Variants in ST6GAL1 observed in about 807,000 individuals in gnomAD.
ST6GAL1 encodes beta-galactoside alpha-2,6-sialyltransferase 1.
In ST6GAL1, 20 loss-of-function variants were observed where a neutral mutation model predicts 38.0. That is an observed-to-expected ratio of 0.53 (90% CI 0.37 to 0.77). ST6GAL1 has a LOEUF of 0.77. Ranked by LOEUF, ST6GAL1 falls within the 30% of genes least tolerant of loss-of-function variation. ST6GAL1 has a pLI of 0.00. For synonymous variants in ST6GAL1, 196 were observed against 188.2 expected (o/e 1.04, Z -0.34); for missense variants, 432 against 496.4 (o/e 0.87, Z 1.23).
chr3:187,053,652 G>A lies in ST6GAL1; in HGVS notation c.705+2306G>A, dbSNP rs943427503. On this transcript the variant is annotated intron_variant, in intron 5 of 7. Transcript: ENST00000169298. ...CTGAGGCCTCTGTTCTGTTCTATTC[G>A]TCTATATATCTGTTTTGGTACCAGT... 5.3e-5 allele frequency among the ~76,000 whole-genome samples: 8 copies of A among 152,188 alleles called. No individual in the cohort carries two copies. In the South Asian group the frequency reaches 1.0e-3, roughly 20 times the overall value.
intron 4 of ST6GAL1, among the ~76,000 whole-genome samples, chr3:187,050,286 C>T (rs1275638370): frequency 1.4e-5 from 2 of 138,972 alleles, no homozygotes; most frequent in Non-Finnish European, 3.2e-5. Flanking sequence ...CCCAAACTTG[C>T]TTGACCGAGT....
At chr3:187,030,112 A>G (rs1458648637) in intron 2 of ST6GAL1, among the ~76,000 whole-genome samples, 1 of 152,244 alleles carries the variant, frequency 6.6e-6, no homozygotes, top group Non-Finnish European at 1.5e-5. Context: ...ATATCCTAAA[A>G]GTGGATATTA....
Position 186,963,839 on chromosome 3 carries a change from G to A in ST6GAL1, c.-270G>A, listed in dbSNP as rs1330946206. 6.6e-6 allele frequency: 1 copy of A among 152,320 alleles called. No individual in the cohort carries two copies. The highest frequency in any genetic ancestry group is 2.4e-5 in the African/African-American group (1 of 41,450). The allele number at this position is 152,320 out of a possible 1,614,324, so 9.4% of individuals were successfully genotyped here. On this transcript the variant is annotated 5_prime_UTR_variant, in exon 2 of 8. Transcript: ENST00000169298. ...TGCAACCAGCAGTCCAGGGAGAAGT[G>A]GTGAATGTCATGGAGCCCAGCTGAA...
In ST6GAL1 at chr3:186,969,823, T is replaced by A. The variant is rs536360612; in HGVS notation, c.-183+5897T>A. Among the ~76,000 whole-genome samples the A allele has an allele frequency of 3.3e-5, 5 of 152,236 alleles. No homozygotes were observed. The East Asian group carries it at 9.7e-4, about 29-fold the overall frequency. The stretch of plus-strand genomic sequence containing the variant: ...GAGGGAAGGGTAGCCTCAGTAGAAG[T>A]TCGTATGTGCCAAGGCATGGAAACA... On this transcript the variant is annotated intron_variant, in intron 2 of 7. Coordinates refer to ENST00000169298, the MANE Select transcript of ST6GAL1 (RefSeq NM_173216.2).
intron 2 of ST6GAL1, among the ~76,000 whole-genome samples, chr3:187,023,198 T>G (rs1478959447): frequency 6.6e-6 from 1 of 152,224 alleles, no homozygotes; most frequent in African/African-American, 2.4e-5. Context: ...TGCTCAAATG[T>G]CTTCTTCTCA....
chr3:186,993,564 ATTTATTT>A (rs1716255128), intron 2 of ST6GAL1, among the ~76,000 whole-genome samples: 1 of 18,740 alleles, frequency 5.3e-5, no homozygotes, highest in Non-Finnish European at 1.1e-4. Flanking sequence ...AGTTTTATTT[ATTTATTT>A]ATTTATTTAT....
rs1340018318 is a variant in ST6GAL1 at position 186,946,328 on chromosome 3, T to A, written c.-325+15494T>A. Among the ~76,000 whole-genome samples, 25 of 152,180 alleles carry A rather than the reference T, an allele frequency of 1.6e-4. No homozygotes were observed. The East Asian group carries it at 4.6e-3, about 28-fold the overall frequency. On this transcript the variant is annotated intron_variant, in intron 1 of 7. Transcript: ENST00000169298. ...ATTTCAAAAAAAAAAAGTGTTCCTT[T>A]TCCTTATAAAATAAAATAATAAAAT...
intron 2 of ST6GAL1, among the ~76,000 whole-genome samples, chr3:187,019,257 T>C (rs963034713): frequency 6.6e-6 from 1 of 152,176 alleles, no homozygotes; most frequent in Non-Finnish European, 1.5e-5. Flanking sequence ...GATTGTGAAA[T>C]GTTGGGATGA....
chr3:187,032,466 G>A (rs539053399), intron 2 of ST6GAL1, among the ~76,000 whole-genome samples: 18 of 152,220 alleles, frequency 1.2e-4, no homozygotes, highest in African/African-American at 3.9e-4. Flanking sequence ...CTGTGAACCC[G>A]TCACCCATTT....
At chr3:187,009,414 G>A (rs778140680) in intron 2 of ST6GAL1, among the ~76,000 whole-genome samples, 1 of 152,098 alleles carries the variant, frequency 6.6e-6, no homozygotes, top group Admixed American at 6.5e-5. Flanking sequence ...GCTAGGTAAC[G>A]GATACATGGT....
chr3:186,978,227 A>G (rs976304719), intron 2 of ST6GAL1, among the ~76,000 whole-genome samples: 1 of 151,972 alleles, frequency 6.6e-6, no homozygotes, highest in Admixed American at 6.6e-5. Context: ...AAAATAAAAG[A>G]AAAAAGAAAA....
intron 1 of ST6GAL1, among the ~76,000 whole-genome samples, chr3:186,942,760 A>T (rs933502714): frequency 1.3e-5 from 2 of 152,194 alleles, no homozygotes; most frequent in African/African-American, 2.4e-5. Flanking sequence ...TCACAGGAAG[A>T]TCTGCTGTGT....
rs1033386410 is a variant in ST6GAL1 at position 187,043,241 on chromosome 3, C to T, written c.538C>T (p.Pro180Ser). Residue 180 changes from proline (P) to serine (S), a missense_variant, in exon 4 of 8, where the codon CCT (proline) becomes TCT (serine). Coordinates refer to ENST00000169298, the MANE Select transcript of ST6GAL1 (RefSeq NM_173216.2). ...PKESIRTKAG[P>S]WGRCAVVSSA... The stretch of plus-strand genomic sequence containing the variant: ...GGAGAGCATTAGGACCAAGGCTGGG[C>T]CTTGGGGCAGGTGTGCTGTTGTGTC... 2 of 1,614,060 alleles carry T rather than the reference C, an allele frequency of 1.2e-6. No homozygotes were observed. Among genetic ancestry groups the T allele is most frequent in the Non-Finnish European group, 1.7e-6 (2 of 1,180,040 alleles).
chr3:186,944,309 G>A (rs1429490086), intron 1 of ST6GAL1, among the ~76,000 whole-genome samples: 5 of 152,180 alleles, frequency 3.3e-5, no homozygotes, highest in East Asian at 1.9e-4. Flanking sequence ...GTGGGGTAAT[G>A]GGCCTTGAGC....
At chr3:187,040,775 C>T (rs374118025) in intron 3 of ST6GAL1, among the ~76,000 whole-genome samples, 2 of 152,234 alleles carry the variant, frequency 1.3e-5, no homozygotes, top group Non-Finnish European at 2.9e-5. Flanking sequence ...CCCTTCACTT[C>T]ATGATCTTCT....
chr3:186,996,917 G>A (rs2108549894), intron 2 of ST6GAL1, among the ~76,000 whole-genome samples: 1 of 151,820 alleles, frequency 6.6e-6, no homozygotes, highest in African/African-American at 2.4e-5. Context: ...TGTATTGCCA[G>A]TTTGTTTCCA....
chr3:186,993,614 G>T (rs957479924), intron 2 of ST6GAL1, among the ~76,000 whole-genome samples: 1 of 149,802 alleles, frequency 6.7e-6, no homozygotes, highest in Non-Finnish European at 1.5e-5. Flanking sequence ...ATATGTTTTA[G>T]AAAACTAAGA....
intron 5 of ST6GAL1, among the ~76,000 whole-genome samples, chr3:187,066,096 G>A (rs1193904632): frequency 2.6e-5 from 4 of 152,306 alleles, no homozygotes; most frequent in East Asian, 3.9e-4. Flanking sequence ...GGAGGTGGGC[G>A]AGATTTCCAT....
chr3:187,034,112 T>C (rs1236635310), intron 2 of ST6GAL1, among the ~76,000 whole-genome samples: 2 of 110,914 alleles, frequency 1.8e-5, no homozygotes, highest in Non-Finnish European at 3.4e-5. Flanking sequence ...TGAAAGATCT[T>C]TGGAGACTAT....
Sources: gnomAD v4.1 joint callset for allele counts (sites outside exome capture counted in the v4.1 genomes callset) on GRCh38, gnomAD v4.1.1 for gene constraint, MANE v1.5 for transcripts, NCBI Gene and HGNC (gene_info 2026-07-23, HGNC 2026-07-21) for gene names.